The following EMG1 variants were observed in gnomAD, a reference collection of about 807,000 sequenced individuals.
EMG1 encodes EMG1 N1-specific pseudouridine methyltransferase.
A neutral mutation model predicts 26.9 loss-of-function variants in EMG1; 24 were observed. That is an observed-to-expected ratio of 0.89 (90% confidence interval 0.65 to 1.26). EMG1 has a LOEUF of 1.26. Among genes scored for constraint, EMG1 ranks in the 50% most tolerant of loss-of-function variants. EMG1 has a pLI of 0.00. For synonymous variants in EMG1, 140 were observed against 112.6 expected, an observed-to-expected ratio of 1.24 and a Z score of -1.54; for missense variants, 299 against 307.6, an observed-to-expected ratio of 0.97 and a Z score of 0.21.
In EMG1 at chr12:6,975,731, CAGT is replaced by C; in HGVS notation, c.659_661del (p.Ser220del). 6.2e-7 allele frequency: 1 copy of C among 1,613,312 alleles called. No homozygotes were observed. Among genetic ancestry groups the C allele is most frequent in the Non-Finnish European group, 8.5e-7 (1 of 1,179,220 alleles). Reference sequence around the variant, plus strand: ...AGTATACAGAGAAGATGGTGTCCATCAGTAACTACCCCCTTTCTGCTGCCCTCA... The same window carrying C: ...AGTATACAGAGAAGATGGTGTCCATCAACTACCCCCTTTCTGCTGCCCTCA... On this transcript the variant is annotated inframe_deletion, in exon 6 of 6. Transcript: ENST00000599672.
At position 6,978,394 on chromosome 12, in the gene EMG1, G is replaced by C; in HGVS notation, c.*2585G>C. On this transcript the variant is annotated 3_prime_UTR_variant, in exon 6 of 6. Transcript: ENST00000599672. ...TGAATGAGGCAATGGTGCCAGTGAA[G>C]CGGGGGTTTGTTTCAAAGAGCCACA... 1 of 1,613,972 alleles carries C rather than the reference G, an allele frequency of 6.2e-7. No individual in the cohort carries two copies. The highest frequency in any genetic ancestry group is 8.5e-7 in the Non-Finnish European group (1 of 1,179,976).
At chr12:6,983,442 A>G, downstream of EMG1, 1 of 1,602,572 alleles carries the variant, frequency 6.2e-7, no homozygotes, top group Non-Finnish European at 8.5e-7. Flanking sequence ...CAAAGTTAAA[A>G]TAAGCAATTG....
At chr12:6,989,480 T>G (rs1946567060), downstream of EMG1, among the ~76,000 whole-genome samples, 1 of 151,858 alleles carries the variant, frequency 6.6e-6, no homozygotes, top group African/African-American at 2.4e-5. Context: ...CCAGCTAATT[T>G]TTTGTATTTT....
chr12:6,975,578 A>G, intron 5 of EMG1, 118 bp from the exon 6 acceptor site: 2 of 978,902 alleles, frequency 2.0e-6, no homozygotes, highest in Non-Finnish European at 3.3e-6. Flanking sequence ...CTTTGTAGGG[A>G]TTTGATATTC....
At chr12:6,980,307 C>T (rs1185388885), downstream of EMG1, among the ~76,000 whole-genome samples, 1 of 151,502 alleles carries the variant, frequency 6.6e-6, no homozygotes, top group Non-Finnish European at 1.5e-5. Flanking sequence ...CCTCCCAGAG[C>T]GTTGGCATTA....
Position 6,977,001 on chromosome 12 carries a change from C to G in EMG1, c.*1192C>G, listed in dbSNP as rs1946411285. 3 of 664,572 alleles carry G rather than the reference C, an allele frequency of 4.5e-6. No homozygotes were observed. Among genetic ancestry groups the G allele is most frequent in the Non-Finnish European group, 8.1e-6 (3 of 368,872 alleles). The allele number at this position is 664,572 out of a possible 1,614,324, so 41.2% of individuals were successfully genotyped here. A position where few individuals can be genotyped will look rare whatever the true frequency, so the allele number is the denominator to read the frequency against. ...CCTCAATAAGTCACAGTAGTCATTG[C>G]CCATACTGTGTTCCTTAGTAGCCAG... On this transcript the variant is annotated 3_prime_UTR_variant, in exon 6 of 6. Coordinates refer to ENST00000599672, the MANE Select transcript of EMG1 (RefSeq NM_006331.8). This position sits in a 1 kb window ranked among gnomAD's most constrained non-coding sequence, Gnocchi z 4.5.
chr12:6,981,569 C>T (rs1555154067), downstream of EMG1: 2 of 1,612,426 alleles, frequency 1.2e-6, no homozygotes, highest in African/African-American at 2.7e-5. Context: ...AGTCTTGAAC[C>T]TCTCTGCCGA....
downstream of EMG1, chr12:6,982,971 ATTTCT>A (rs782337058): frequency 8.4e-5 from 56 of 666,754 alleles, no homozygotes; most frequent in Non-Finnish European, 1.5e-4. Flanking sequence ...GTGTTATTTT[ATTTCT>A]TTTCTTTTTT....
chr12:6,973,910 G>A (rs1174245133), intron 1 of EMG1, among the ~76,000 whole-genome samples: 2 of 152,220 alleles, frequency 1.3e-5, no homozygotes, highest in African/African-American at 4.8e-5. Flanking sequence ...ACTGAGGGTG[G>A]TGACTCGATA....
chr12:6,982,952 A>G (rs1946485863), downstream of EMG1: 4 of 666,264 alleles, frequency 6.0e-6, no homozygotes, highest in Non-Finnish European at 1.1e-5. Flanking sequence ...AATAAAAAAG[A>G]TTATTAGGGT....
In EMG1 at chr12:6,976,051, A is replaced by G; in HGVS notation, c.*242A>G. On this transcript the variant is annotated 3_prime_UTR_variant, in exon 6 of 6. Coordinates refer to ENST00000599672, the MANE Select transcript of EMG1 (RefSeq NM_006331.8). ...GTTCCCCGGGACTTCAGGGACAGAT[A>G]GGAGGTTACAGAGTTTGCAGTTTGG... 1 of 416,260 alleles carries G rather than the reference A, an allele frequency of 2.4e-6. No homozygotes were observed. Among genetic ancestry groups the G allele is most frequent in the Non-Finnish European group, 4.3e-6 (1 of 230,518 alleles). The allele number at this position is 416,260 out of a possible 1,614,324, so 25.8% of individuals were successfully genotyped here.
At position 6,974,362 on chromosome 12, in the gene EMG1, C is replaced by T. The variant is rs1946367241; in HGVS notation, c.192C>T (p.Leu64=). Residue 64 remains leucine, a synonymous_variant, in exon 2 of 6, where the codon CTC becomes CTT. Transcript: ENST00000599672. ...AGGTAGGGAAGACATATGAGCTACTCAACTGTGACAAGCACAAGTCTATAT... is the reference window on the plus strand; with the variant it reads ...AGGTAGGGAAGACATATGAGCTACTTAACTGTGACAAGCACAAGTCTATAT... ...TVKVGKTYEL[L]NCDKHKSILL... is the part of the protein sequence containing the mutation. The T allele has an allele frequency of 1.2e-6, 2 of 1,613,266 alleles. No homozygotes were observed. Among genetic ancestry groups the T allele is most frequent in the South Asian group, 1.1e-5 (1 of 90,936 alleles).
rs782452445 is a variant in EMG1, at chr12:6,974,398, T to C, written c.228T>C (p.Asn76=). The change falls in exon 2 of 6, where the codon AAT becomes AAC. Residue 76 remains asparagine, a synonymous_variant. Transcript: ENST00000599672. ...CDKHKSILLK[N]GRDPGEARPD... is the part of the protein sequence containing the mutation. ...AGCACAAGTCTATATTGTTGAAGAA[T>C]GGACGGGACCCTGGGGAAGCGCGGC... The C allele has an allele frequency of 1.9e-6, 3 of 1,613,726 alleles. No homozygotes were observed. Among genetic ancestry groups the C allele is most frequent in the African/African-American group, 1.3e-5 (1 of 74,900 alleles).
chr12:6,982,181 T>G (rs1009152311), downstream of EMG1, among the ~76,000 whole-genome samples: 4 of 152,108 alleles, frequency 2.6e-5, no homozygotes, highest in African/African-American at 9.7e-5. Flanking sequence ...TGTTTCACCA[T>G]GTTGCCCAGG....
At position 6,977,739 on chromosome 12, in the gene EMG1, G is replaced by T; in HGVS notation, c.*1930G>T. The T allele has an allele frequency of 6.2e-7, 1 of 1,614,092 alleles. No individual in the cohort carries two copies. Among genetic ancestry groups the T allele is most frequent in the Non-Finnish European group, 8.5e-7 (1 of 1,180,018 alleles). On this transcript the variant is annotated 3_prime_UTR_variant, in exon 6 of 6. Coordinates refer to ENST00000599672, the MANE Select transcript of EMG1 (RefSeq NM_006331.8). The surrounding 1 kb of genome is among the most constrained non-coding windows in gnomAD (Gnocchi z 4.5). ...TTCCAAGGAACTTGAGTCGTTTGAA[G>T]ATGTAGCTGGAGAAAAGGGTGGGTG...
downstream of EMG1, chr12:6,983,062 G>T: frequency 1.8e-6 from 1 of 556,376 alleles, no homozygotes. Flanking sequence ...GCTCACTGCA[G>T]CCTTGAATTC....
chr12:6,975,317 G>T lies in EMG1; in HGVS notation c.560G>T (p.Arg187Leu), dbSNP rs782021249. The change falls in exon 5 of 6, where the codon CGT (arginine) becomes CTT (leucine). Residue 187 changes from arginine to leucine, a missense_variant. Transcript: ENST00000599672. ...SFSIPVVSDV[R>L]ELVPSSDPIV... is the part of the protein sequence containing the mutation. ...TCCATCCCGGTTGTCAGTGATGTGC[G>T]TGAGCTGGTGCCCAGCAGTGATCCT... The T allele has an allele frequency of 1.9e-6, 3 of 1,609,668 alleles. No individual in the cohort carries two copies. Among genetic ancestry groups the T allele is most frequent in the African/African-American group, 1.3e-5 (1 of 75,014 alleles).
At chr12:6,981,662 T>G (rs1591546966), downstream of EMG1, 1 of 1,563,512 alleles carries the variant, frequency 6.4e-7, no homozygotes, top group Non-Finnish European at 8.6e-7. Flanking sequence ...ATGGGTAGGG[T>G]GGTGGGAGAG....
intron 1 of EMG1, among the ~76,000 whole-genome samples, chr12:6,971,995 T>C (rs1425863746): frequency 6.6e-6 from 1 of 152,198 alleles, no homozygotes; most frequent in African/African-American, 2.4e-5. Flanking sequence ...TTAGAACTAA[T>C]TGAATAGGCC....
Sources: gnomAD v4.1 joint callset for allele counts (sites outside exome capture counted in the v4.1 genomes callset) on GRCh38, gnomAD v4.1.1 for gene constraint, Gnocchi (gnomAD v3.1) non-coding constraint, MANE v1.5 for transcripts, NCBI Gene and HGNC (gene_info 2026-07-23, HGNC 2026-07-21) for gene names.